The following RBM23 variants were observed in gnomAD, a reference collection of about 807,000 sequenced individuals.
RBM23 encodes probable RNA-binding protein 23.
A neutral mutation model predicts 56.2 loss-of-function variants in RBM23; 53 were observed. That is an observed-to-expected ratio of 0.94 (90% CI 0.76 to 1.19). RBM23 has a LOEUF of 1.19. Among genes scored for constraint, RBM23 ranks in the 50% most tolerant of loss-of-function variants. The pLI, the probability that RBM23 is intolerant of heterozygous loss-of-function variation, is 0.00. For synonymous variants in RBM23, 197 were observed against 198.5 expected (o/e 0.99, Z 0.06); for missense variants, 642 against 590.3 (o/e 1.09, Z -0.91).
rs1372640097 is a variant in RBM23, at chr14:22,898,947, A to G, written c.*2783T>C. 2 of 152,146 alleles carry G rather than the reference A, an allele frequency of 1.3e-5. No individual in the cohort carries two copies. Among genetic ancestry groups the G allele is most frequent in the African/African-American group, 2.4e-5 (1 of 41,430 alleles). The allele number at this position is 152,146 out of a possible 1,614,324, so 9.4% of individuals were successfully genotyped here. ...GTCATAGCCAGCAGCTTCTACCTAA[A>G]AATAGTGCATCCTCCTTCCCTTTTC... On this transcript the variant is annotated 3_prime_UTR_variant, in exon 14 of 14. Coordinates refer to ENST00000359890, the MANE Select transcript of RBM23 (RefSeq NM_001077351.2).
rs1402870091 is a variant in RBM23 at position 22,900,708 on chromosome 14, A to G, written c.*1022T>C. 1 of 152,204 alleles carries G rather than the reference A, an allele frequency of 6.6e-6. No individual in the cohort carries two copies. 9.4% of individuals were successfully genotyped at this position (152,204 alleles called of 1,614,324 possible). On this transcript the variant is annotated 3_prime_UTR_variant, in exon 14 of 14. Transcript: ENST00000359890. ...AGTTGGGCTAATGAGAAGTTGTCAG[A>G]CACACAACAAAGACCACACACAAAT...
chr14:22,904,084 C>G (rs1246987607), intron 10 of RBM23, 177 bp downstream of exon 10: 1 of 1,528,066 alleles, frequency 6.5e-7, no homozygotes, highest in Admixed American at 2.0e-5. Context: ...GGAGCAAAGC[C>G]AAGATCTCAA....
At chr14:22,905,728 G>T in intron 5 of RBM23, 69 bp from the exon 6 acceptor site, 4 of 1,192,648 alleles carry the variant, frequency 3.4e-6, no homozygotes, top group South Asian at 2.6e-5. Flanking sequence ...CTTCCATGGT[G>T]AGAAAACCAG....
rs1213783775 is a variant in RBM23 at position 22,894,298 on chromosome 14, C to T, written c.*7432G>A. ...CGGGTAACACTTTTTTGGGTTTTGT[C>T]ATCTGATGGAAGGTTGGGGGACAGA... On this transcript the variant is annotated 3_prime_UTR_variant, in exon 14 of 14. Coordinates refer to ENST00000359890, the MANE Select transcript of RBM23 (RefSeq NM_001077351.2). 1 of 152,192 alleles carries T rather than the reference C, an allele frequency of 6.6e-6. No homozygotes were observed. The highest frequency in any genetic ancestry group is 1.9e-4 in the East Asian group (1 of 5,194). The allele number at this position is 152,192 out of a possible 1,614,324, so 9.4% of individuals were successfully genotyped here. A position where few individuals can be genotyped will look rare whatever the true frequency, so the allele number is the denominator to read the frequency against.
rs368404024 is a variant in RBM23 at position 22,905,336 on chromosome 14, C to T, written c.573G>A (p.Lys191=). ...DLEDFFSAVG[K]VRDVRIISDR... ...AAGAAAACTAAGGTGGGAGGGTTAC[C>T]TTGCCTACAGCAGAGAAAAAGTCCT... Residue 191 remains lysine, a splice_region_variant and synonymous_variant, in exon 7 of 14, where the codon AAG becomes AAA. Coordinates refer to ENST00000359890, the MANE Select transcript of RBM23 (RefSeq NM_001077351.2). 2.7e-5 allele frequency: 44 copies of T among 1,613,948 alleles called. No individual in the cohort carries two copies. Among genetic ancestry groups the T allele is most frequent in the Non-Finnish European group, 3.6e-5 (43 of 1,180,020 alleles).
chr14:22,913,535 G>A (rs546515920), intron 1 of RBM23, among the ~76,000 whole-genome samples: 1 of 151,790 alleles, frequency 6.6e-6, no homozygotes, highest in Non-Finnish European at 1.5e-5. Context: ...GCCAAGACAG[G>A]TGGATCACCT....
Position 22,897,038 on chromosome 14 carries a change from C to T in RBM23, c.*4692G>A, listed in dbSNP as rs1337248647. The T allele has an allele frequency of 6.6e-6, 1 of 152,166 alleles. No homozygotes were observed. Among genetic ancestry groups the T allele is most frequent in the African/African-American group, 2.4e-5 (1 of 41,432 alleles). The allele number at this position is 152,166 out of a possible 1,614,324, so 9.4% of individuals were successfully genotyped here. A position where few individuals can be genotyped will look rare whatever the true frequency, so the allele number is the denominator to read the frequency against. On this transcript the variant is annotated 3_prime_UTR_variant, in exon 14 of 14. Coordinates refer to ENST00000359890, the MANE Select transcript of RBM23 (RefSeq NM_001077351.2). ...GTATCACAGGCTACCATGGTAACAT[C>T]AGAAAGAGTAAAGCTGCATCTTCTC...
In RBM23 at chr14:22,901,794, A is replaced by G. The variant is rs769206733; in HGVS notation, c.1316+20T>C. 6.2e-7 allele frequency: 1 copy of G among 1,614,012 alleles called. No homozygotes were observed. Among genetic ancestry groups the G allele is most frequent in the South Asian group, 1.1e-5 (1 of 91,080 alleles). On this transcript the variant is annotated intron_variant, in intron 13 of 13. Transcript: ENST00000359890. Reference sequence around the variant, plus strand: ...AAGAGAATAATCAAAGGCTAGAATGAGCTAGACCCTGAGACTCACATGGTC... The same window carrying G: ...AAGAGAATAATCAAAGGCTAGAATGGGCTAGACCCTGAGACTCACATGGTC...
chr14:22,915,696 A>G (rs1360925832), intron 1 of RBM23, among the ~76,000 whole-genome samples: 1 of 149,396 alleles, frequency 6.7e-6, no homozygotes, highest in Non-Finnish European at 1.5e-5. Context: ...AAGTTTCACC[A>G]TGTTGGCCAG....
rs912074547 is a variant in RBM23 at position 22,901,660 on chromosome 14, G to C, written c.*70C>G. On this transcript the variant is annotated 3_prime_UTR_variant, in exon 14 of 14. Coordinates refer to ENST00000359890, the MANE Select transcript of RBM23 (RefSeq NM_001077351.2). ...CTTGGTCCACAAAATGGAGAAATGG[G>C]GCCATGGAAGAGTAGATGTGAAGTG... 1.7e-5 allele frequency: 26 copies of C among 1,573,220 alleles called. No individual in the cohort carries two copies. The African/African-American group carries it at 2.6e-4, about 16-fold the overall frequency.
Position 22,905,467 on chromosome 14 carries a change from T to C in RBM23, c.456-14A>G. 1 of 1,613,398 alleles carries C rather than the reference T, an allele frequency of 6.2e-7. No homozygotes were observed. The highest frequency in any genetic ancestry group is 8.5e-7 in the Non-Finnish European group (1 of 1,179,392). On this transcript the variant is annotated splice_polypyrimidine_tract_variant and intron_variant, in intron 6 of 13. Coordinates refer to ENST00000359890, the MANE Select transcript of RBM23 (RefSeq NM_001077351.2). ...TCAACTGGCTCCCTGAAGAGTGAAA[T>C]GTGTTGAGACCAGCCCTCCCAATAC...
At chr14:22,917,960 ATG>A (rs1414741916) in intron 1 of RBM23, among the ~76,000 whole-genome samples, 2 of 152,192 alleles carry the variant, frequency 1.3e-5, no homozygotes, top group Non-Finnish European at 2.9e-5. Flanking sequence ...CCCAGGGGTG[ATG>A]GTAGCGCCAT....
chr14:22,910,721 A>T (rs1168316352), intron 2 of RBM23, among the ~76,000 whole-genome samples: 1 of 152,026 alleles, frequency 6.6e-6, no homozygotes, highest in African/African-American at 2.4e-5. Flanking sequence ...ATATATTAAA[A>T]AAGAAACTGG....
chr14:22,912,998 CAAAAAAAAAAAAAAAAA>C (rs58361546), intron 1 of RBM23, among the ~76,000 whole-genome samples: 2 of 35,412 alleles, frequency 5.6e-5, no homozygotes, highest in African/African-American at 1.6e-4. Context: ...GATTCAGTCT[CAAAAAAAAAAAAAAAAA>C]AAAAAAAAAA....
rs1479753098 is a variant in RBM23 at position 22,895,197 on chromosome 14, T to G, written c.*6533A>C. 1 of 149,668 alleles carries G rather than the reference T, an allele frequency of 6.7e-6. No individual in the cohort carries two copies. The highest frequency in any genetic ancestry group is 6.7e-5 in the Admixed American group (1 of 15,008). 9.3% of individuals were successfully genotyped at this position (149,668 alleles called of 1,614,324 possible). ...CAACATGGAGAAACCCTGTCTCCAC[T>G]AAAAATACAAAATTAGCTGGGAGTG... On this transcript the variant is annotated 3_prime_UTR_variant, in exon 14 of 14. Coordinates refer to ENST00000359890, the MANE Select transcript of RBM23 (RefSeq NM_001077351.2).
At chr14:22,906,513 T>C (rs971849516) in intron 4 of RBM23, 145 bp from the exon 5 acceptor site, 6 of 953,832 alleles carry the variant, frequency 6.3e-6, no homozygotes, top group East Asian at 2.6e-5. Context: ...AATGTCGTAA[T>C]GTATTACTTA....
At chr14:22,902,660 C>G (rs1467249856) in intron 10 of RBM23, 24 of 1,100,984 alleles carry the variant, frequency 2.2e-5, no homozygotes, top group Non-Finnish European at 2.5e-5. Flanking sequence ...CCTAGCCTGA[C>G]AAGTTATTTC....
In RBM23 at chr14:22,896,855, TGAGA is replaced by T. The variant is rs1224195684; in HGVS notation, c.*4871_*4874del. 6.6e-6 allele frequency: 1 copy of T among 152,154 alleles called. No homozygotes were observed. Among genetic ancestry groups the T allele is most frequent in the South Asian group, 2.1e-4 (1 of 4,834 alleles). 9.4% of individuals were successfully genotyped at this position (152,154 alleles called of 1,614,324 possible). A position where few individuals can be genotyped will look rare whatever the true frequency, so the allele number is the denominator to read the frequency against. On this transcript the variant is annotated 3_prime_UTR_variant, in exon 14 of 14. Coordinates refer to ENST00000359890, the MANE Select transcript of RBM23 (RefSeq NM_001077351.2). ...TCCTGGATATAAAGCGCAAAAGTTA[TGAGA>T]GAGGGGAAAGGATGTCTGAAGCTAG...
chr14:22,910,964 T>C (rs1351039724), intron 2 of RBM23, among the ~76,000 whole-genome samples: 3 of 151,920 alleles, frequency 2.0e-5, no homozygotes, highest in Admixed American at 6.6e-5. Context: ...TGAGCCAAGA[T>C]TGTGCCACTG....
Sources: allele counts gnomAD v4.1 joint callset (sites outside exome capture counted in the v4.1 genomes callset), GRCh38; gene constraint gnomAD v4.1.1; transcripts MANE v1.5; gene names NCBI Gene and HGNC (gene_info 2026-07-23, HGNC 2026-07-21).